The following SPECC1L variants were observed in gnomAD, a reference collection of about 807,000 sequenced individuals.
SPECC1L encodes the protein cytospin-A.
A neutral mutation model predicts 116.8 loss-of-function variants in SPECC1L; 40 were observed. The observed-to-expected ratio is 0.34, with a 90% CI of 0.27 to 0.45. The LOEUF (loss-of-function observed/expected upper bound fraction) is 0.45. Ranked by LOEUF, SPECC1L falls within the 20% of genes least tolerant of loss-of-function variation. The pLI, the probability that SPECC1L is intolerant of heterozygous loss-of-function variation, is 1.00. For missense variants in SPECC1L, 1,110 were observed against 1,373.6 expected, an observed-to-expected ratio of 0.81 and a Z score of 3.03; for synonymous variants, 504 against 500.6, an observed-to-expected ratio of 1.01 and a Z score of -0.09.
rs1016008966 is a variant in SPECC1L at position 24,390,872 on chromosome 22, C to CTTTTTTT, written c.3088-20696_3088-20690dup. ...TGTTCCTTTTTTTTTTTTTTCTTTT[C>CTTTTTTT]TTTTTTTTTTTTTTTTTTTTTTTTT... is the stretch of plus-strand genomic sequence containing the variant. On this transcript the variant is annotated intron_variant, in intron 14 of 16. Transcript: ENST00000314328. Among the ~76,000 whole-genome samples, 106 of 57,118 alleles carry CTTTTTTT rather than the reference C, an allele frequency of 1.9e-3. 2 individuals carry two copies. Among genetic ancestry groups the CTTTTTTT allele is most frequent in the Middle Eastern group, 0.014 (1 of 72 alleles). The allele number at this position is 57,118 out of a possible 152,430, so 37.5% of individuals were successfully genotyped here. A position where few individuals can be genotyped will look rare whatever the true frequency, so the allele number is the denominator to read the frequency against.
At chr22:24,370,036 A>T (rs2041842982) in intron 14 of SPECC1L, among the ~76,000 whole-genome samples, 1 of 152,242 alleles carries the variant, frequency 6.6e-6, no homozygotes, top group Non-Finnish European at 1.5e-5. Context: ...GAAGTACAAC[A>T]CAAAAAGGGA....
intron 11 of SPECC1L, among the ~76,000 whole-genome samples, chr22:24,359,512 C>T (rs961765621): frequency 1.3e-5 from 2 of 152,100 alleles, no homozygotes; most frequent in Admixed American, 6.5e-5. Context: ...ATCCATCTGT[C>T]GGCAAGTCTG....
At chr22:24,281,593 CATT>C (rs2048943684) in intron 2 of SPECC1L, among the ~76,000 whole-genome samples, 1 of 152,126 alleles carries the variant, frequency 6.6e-6, no homozygotes, top group Admixed American at 6.5e-5. Context: ...TTCAACTTCC[CATT>C]ATTCATTGCT....
At chr22:24,315,931 A>G (rs1254547066) in intron 4 of SPECC1L, among the ~76,000 whole-genome samples, 1 of 152,212 alleles carries the variant, frequency 6.6e-6, no homozygotes, top group Admixed American at 6.5e-5. Flanking sequence ...CAAGAACGCC[A>G]GTCATGTTGG....
Position 24,324,278 on chromosome 22 carries a change from A to G in SPECC1L, c.1997A>G (p.Asn666Ser). 5.0e-6 allele frequency: 8 copies of G among 1,614,156 alleles called. No individual in the cohort carries two copies. Among genetic ancestry groups the G allele is most frequent in the South Asian group, 1.1e-5 (1 of 91,086 alleles). ...EEAKKQIEDL[N>S]MTLEKLRSDL... ...GCTAAGAAACAAATTGAAGATTTGA[A>G]TATGACGTTAGAAAAATTAAGATCA... The change falls in exon 6 of 17, where the codon AAT becomes AGT. Residue 666 changes from asparagine (N) to serine (S), a missense_variant. Physicochemically the swap from Asn to Ser is conservative, Grantham distance 46 (BLOSUM62 1). Coordinates refer to ENST00000314328, the MANE Select transcript of SPECC1L (RefSeq NM_015330.6).
chr22:24,342,950 T>A (rs1404698543), intron 10 of SPECC1L, among the ~76,000 whole-genome samples: 1 of 152,066 alleles, frequency 6.6e-6, no homozygotes, highest in African/African-American at 2.4e-5. Flanking sequence ...CCCAGCACTT[T>A]GGGAGGCTGA....
chr22:24,325,924 ACATTTTTT>A (rs1243508616), intron 6 of SPECC1L, among the ~76,000 whole-genome samples: 1 of 152,124 alleles, frequency 6.6e-6, no homozygotes, highest in Non-Finnish European at 1.5e-5. Flanking sequence ...TACACTCCTA[ACATTTTTT>A]GTTTGCTTGC....
intron 2 of SPECC1L, among the ~76,000 whole-genome samples, chr22:24,295,912 C>T (rs1436985266): frequency 6.6e-6 from 1 of 152,188 alleles, no homozygotes; most frequent in African/African-American, 2.4e-5. Context: ...CGTGCCGTCG[C>T]ACTCCAGACT....
At chr22:24,345,887 T>C (rs951750437) in intron 10 of SPECC1L, among the ~76,000 whole-genome samples, 13 of 152,090 alleles carry the variant, frequency 8.5e-5, no homozygotes, top group Non-Finnish European at 4.4e-5. Flanking sequence ...AAGAAAAACA[T>C]AGACAAGCAA....
At chr22:24,343,559 C>G (rs1181972538) in intron 10 of SPECC1L, 2 of 419,140 alleles carry the variant, frequency 4.8e-6, no homozygotes, top group Non-Finnish European at 9.5e-6. Context: ...CTCCTGGGTT[C>G]AAGTGATTCT....
At chr22:24,291,318 C>G (rs1443210336) in intron 2 of SPECC1L, among the ~76,000 whole-genome samples, 1 of 152,186 alleles carries the variant, frequency 6.6e-6, no homozygotes, top group East Asian at 1.9e-4. Flanking sequence ...AAACAAGGCT[C>G]ACAGAGTGTG....
At chr22:24,289,950 C>T (rs1254576111) in intron 2 of SPECC1L, among the ~76,000 whole-genome samples, 2 of 152,156 alleles carry the variant, frequency 1.3e-5, no homozygotes, top group Admixed American at 6.5e-5. Flanking sequence ...CTCCTCATTA[C>T]CCCCGGCTCT....
At chr22:24,369,118 C>T (rs373098054) in intron 13 of SPECC1L, 100 bp from the exon 14 acceptor site, 2 of 814,572 alleles carry the variant, frequency 2.5e-6, no homozygotes, top group Non-Finnish European at 4.3e-6. Context: ...ATTGCCTTAC[C>T]ATGTATATTT....
chr22:24,304,673 A>T (rs988520437), intron 3 of SPECC1L, among the ~76,000 whole-genome samples: 70 of 152,160 alleles, frequency 4.6e-4, no homozygotes, highest in Non-Finnish European at 5.9e-5. Flanking sequence ...ACTGATGATA[A>T]TTTTTTCTAA....
chr22:24,373,157 T>A (rs1295348019), intron 14 of SPECC1L, among the ~76,000 whole-genome samples: 1 of 152,178 alleles, frequency 6.6e-6, no homozygotes, highest in African/African-American at 2.4e-5. Flanking sequence ...CGTTCCATGC[T>A]CATGGGTAGG....
chr22:24,356,405 C>A (rs943481887), intron 11 of SPECC1L, among the ~76,000 whole-genome samples: 2 of 151,870 alleles, frequency 1.3e-5, no homozygotes, highest in Non-Finnish European at 2.9e-5. Flanking sequence ...AGAACTAGCC[C>A]CTTTATTATT....
chr22:24,281,612 A>T (rs1271976485), intron 2 of SPECC1L, among the ~76,000 whole-genome samples: 2 of 152,216 alleles, frequency 1.3e-5, no homozygotes, highest in Non-Finnish European at 2.9e-5. Context: ...TTGCTAATAT[A>T]TAAAAATAAT....
chr22:24,395,462 G>T (rs1353950997), intron 14 of SPECC1L, among the ~76,000 whole-genome samples: 1 of 152,120 alleles, frequency 6.6e-6, no homozygotes, highest in African/African-American at 2.4e-5. Context: ...GGACTGAGGG[G>T]AAAGGAAGAG....
Position 24,334,441 on chromosome 22 carries a change from T to A in SPECC1L, c.2428T>A (p.Tyr810Asn). Residue 810 changes from tyrosine (Y) to asparagine (N), a missense_variant, in exon 9 of 17, where the codon TAC (tyrosine) becomes AAC (asparagine). Tyr to Asn is a moderately radical substitution (Grantham distance 143). Coordinates refer to ENST00000314328, the MANE Select transcript of SPECC1L (RefSeq NM_015330.6). ...GGAGGAGCGAGGCCGGGTATACAAT[T>A]ACATGAATGCCGTTGAGAGAGATTT... is the stretch of plus-strand genomic sequence containing the variant. ...QEEERGRVYN[Y>N]MNAVERDLAA... The A allele has an allele frequency of 1.2e-6, 2 of 1,614,178 alleles. No homozygotes were observed. The highest frequency in any genetic ancestry group is 1.7e-6 in the Non-Finnish European group (2 of 1,180,030).
Sources: gnomAD v4.1 joint callset for allele counts (sites outside exome capture counted in the v4.1 genomes callset) on GRCh38, gnomAD v4.1.1 for gene constraint, MANE v1.5 for transcripts, NCBI Gene and HGNC (gene_info 2026-07-23, HGNC 2026-07-21) for gene names.